Variants in FCHO2 observed in about 807,000 individuals in gnomAD.
FCHO2 encodes the protein FCH and mu domain containing endocytic adaptor 2, also known as F-BAR domain only protein 2.
A neutral mutation model predicts 114.1 loss-of-function variants in FCHO2; 43 were observed. That is an observed-to-expected ratio of 0.38 (90% CI 0.30 to 0.49). The LOEUF is 0.49. Ranked by LOEUF, FCHO2 falls within the 20% of genes least tolerant of loss-of-function variation. The pLI, the probability that FCHO2 is intolerant of heterozygous loss-of-function variation, is 0.97. For synonymous variants in FCHO2, 293 were observed against 315.2 expected, an observed-to-expected ratio of 0.93 and a Z score of 0.75; for missense variants, 807 against 950.4, an observed-to-expected ratio of 0.85 and a Z score of 1.98.
At chr5:73,024,894 C>G (rs1324025851) in intron 8 of FCHO2, among the ~76,000 whole-genome samples, 2 of 152,036 alleles carry the variant, frequency 1.3e-5, no homozygotes, top group Non-Finnish European at 2.9e-5. Flanking sequence ...AATAAGTAGC[C>G]ACTAATGTAG....
In FCHO2 at chr5:73,089,676, T is replaced by C. The variant is rs1464547296; in HGVS notation, c.*1586T>C. The C allele has an allele frequency of 3.3e-5, 5 of 152,548 alleles. No homozygotes were observed. Among genetic ancestry groups the C allele is most frequent in the African/African-American group, 9.6e-5 (4 of 41,452 alleles). 9.4% of individuals were successfully genotyped at this position (152,548 alleles called of 1,614,324 possible). On this transcript the variant is annotated 3_prime_UTR_variant, in exon 26 of 26. Transcript: ENST00000430046. The stretch of plus-strand genomic sequence containing the variant: ...AGTAGAAGTGATAAATTGTGTTATA[T>C]ATGATAATTTATATAAAACCACTAA...
chr5:73,059,735 G>T (rs1757763793), intron 17 of FCHO2, among the ~76,000 whole-genome samples: 4 of 152,008 alleles, frequency 2.6e-5, no homozygotes, highest in Non-Finnish European at 1.5e-5. Context: ...TCAATAGATA[G>T]TTGAACATAA....
intron 5 of FCHO2, among the ~76,000 whole-genome samples, chr5:72,995,290 C>A (rs1355220357): frequency 1.3e-5 from 2 of 150,738 alleles, no homozygotes; most frequent in Admixed American, 6.6e-5. Context: ...GAGTCTCACT[C>A]TGTTACCCAG....
At chr5:73,028,810 C>G (rs1756080477) in intron 8 of FCHO2, among the ~76,000 whole-genome samples, 1 of 151,804 alleles carries the variant, frequency 6.6e-6, no homozygotes, top group Non-Finnish European at 1.5e-5. Context: ...ACCACTATGC[C>G]CAGTTAGTTT....
chr5:73,001,448 C>CAAAAAAA (rs1215202339), intron 5 of FCHO2, among the ~76,000 whole-genome samples: 5 of 65,520 alleles, frequency 7.6e-5, no homozygotes, highest in African/African-American at 1.3e-4. Flanking sequence ...GATCCTGTCT[C>CAAAAAAA]AAAAAAAAAA....
At chr5:73,024,597 C>A (rs1755816503) in intron 8 of FCHO2, among the ~76,000 whole-genome samples, 1 of 152,076 alleles carries the variant, frequency 6.6e-6, no homozygotes, top group African/African-American at 2.4e-5. Context: ...CACCACCACA[C>A]CTGGCTAATT....
At chr5:73,044,297 G>A (rs1323869027) in intron 11 of FCHO2, among the ~76,000 whole-genome samples, 1 of 152,162 alleles carries the variant, frequency 6.6e-6, no homozygotes, top group Admixed American at 6.5e-5. Flanking sequence ...GAGTGCAGTG[G>A]CAACGATCAT....
Position 73,041,165 on chromosome 5 carries a change from T to A in FCHO2, c.915-126T>A, listed in dbSNP as rs115174144. The A allele has an allele frequency of 1.5e-3, 961 of 644,482 alleles. 6 individuals are homozygous for A. In the African/African-American group the frequency reaches 0.017, roughly 11 times the overall value. The allele number at this position is 644,482 out of a possible 1,614,324, so 39.9% of individuals were successfully genotyped here. The stretch of plus-strand genomic sequence containing the variant: ...TATGTTTTAATCTTCATGGTTTGAT[T>A]TCTCTGAATATTTTTTGTAGAGTTT... On this transcript the variant is annotated intron_variant, in intron 10 of 25. Transcript: ENST00000430046.
rs1402233924 is a variant in FCHO2 at position 73,063,867 on chromosome 5, G to T, written c.1372G>T (p.Gly458Cys). The change falls in exon 18 of 26, where the codon GGC (glycine) becomes TGC (cysteine). Residue 458 changes from glycine to cysteine, a missense_variant. Gly to Cys is a radical substitution (Grantham distance 159). Coordinates refer to ENST00000430046, the MANE Select transcript of FCHO2 (RefSeq NM_138782.3). ...SARPTTPLSV[G>C]TIVPPPRPAS... Reference sequence around the variant, plus strand: ...CAGGCCCACAACTCCTCTTTCTGTAGGCACCATTGTCCCACCTCCGAGGCC... The same window carrying T: ...CAGGCCCACAACTCCTCTTTCTGTATGCACCATTGTCCCACCTCCGAGGCC... The T allele has an allele frequency of 6.2e-7, 1 of 1,611,976 alleles. No homozygotes were observed. The highest frequency in any genetic ancestry group is 1.7e-5 in the Admixed American group (1 of 59,744).
Position 73,006,553 on chromosome 5 carries a change from G to T in FCHO2, c.600+4G>T. ...GAAAATGACAGAAACAGCTCAGGTT[G>T]GTATTTTAAGGCTTCAGATTGAAAA... On this transcript the variant is annotated splice_donor_region_variant and intron_variant, in intron 6 of 25. Coordinates refer to ENST00000430046, the MANE Select transcript of FCHO2 (RefSeq NM_138782.3). The T allele has an allele frequency of 1.3e-6, 2 of 1,499,636 alleles. No individual in the cohort carries two copies. The highest frequency in any genetic ancestry group is 2.8e-5 in the South Asian group (2 of 71,658). The allele number at this position is 1,499,636 out of a possible 1,614,324, so 92.9% of individuals were successfully genotyped here.
intron 2 of FCHO2, among the ~76,000 whole-genome samples, chr5:72,977,969 T>C (rs1486075656): frequency 2.0e-5 from 3 of 152,188 alleles, no homozygotes; most frequent in Non-Finnish European, 2.9e-5. Flanking sequence ...TTCTGTTCCA[T>C]TGGTCTATAT....
In FCHO2 at chr5:72,989,461, A is replaced by G. The variant is rs368553021; in HGVS notation, c.160A>G (p.Thr54Ala). 4 of 1,607,346 alleles carry G rather than the reference A, an allele frequency of 2.5e-6. No homozygotes were observed. The highest frequency in any genetic ancestry group is 2.5e-6 in the Non-Finnish European group (3 of 1,176,704). ...AGAGGAGGCATACTCCAGGTCAATG[A>G]CAAAACTAGCAAAATCTGCAAGCAA... ...TIEEAYSRSM[T>A]KLAKSASNYS... The change falls in exon 3 of 26, where the codon ACA becomes GCA. Residue 54 changes from threonine to alanine, a missense_variant. By Grantham distance (58) the Thr-to-Ala change is moderately conservative. Coordinates refer to ENST00000430046, the MANE Select transcript of FCHO2 (RefSeq NM_138782.3).
intron 2 of FCHO2, among the ~76,000 whole-genome samples, chr5:72,985,500 G>GT (rs1753471097): frequency 6.6e-6 from 1 of 152,114 alleles, no homozygotes; most frequent in African/African-American, 2.4e-5. Flanking sequence ...TTAGGTGGTG[G>GT]TGTGTACTTC....
At chr5:73,050,332 A>AT (rs1757284963) in intron 11 of FCHO2, among the ~76,000 whole-genome samples, 1 of 147,334 alleles carries the variant, frequency 6.8e-6, no homozygotes, top group South Asian at 2.1e-4. Context: ...TTATTTATTT[A>AT]TTTATTTTGA....
intron 2 of FCHO2, among the ~76,000 whole-genome samples, chr5:72,984,689 G>A (rs1042957982): frequency 6.6e-5 from 10 of 152,026 alleles, no homozygotes; most frequent in African/African-American, 1.9e-4. Flanking sequence ...TTTGAGACAG[G>A]GTCTCACTGT....
intron 5 of FCHO2, among the ~76,000 whole-genome samples, chr5:73,001,376 G>A (rs1754423458): frequency 6.7e-6 from 1 of 150,214 alleles, no homozygotes; most frequent in African/African-American, 2.5e-5. Flanking sequence ...TTGAGGCCAG[G>A]AGGTTGAGGC....
chr5:73,071,934 C>T (rs1288230646), intron 19 of FCHO2, among the ~76,000 whole-genome samples: 1 of 151,790 alleles, frequency 6.6e-6, no homozygotes, highest in East Asian at 1.9e-4. Context: ...AATATTTATG[C>T]AGGTTTCTTT....
At chr5:73,054,611 G>C in intron 15 of FCHO2, 62 bp downstream of exon 15, 1 of 1,211,484 alleles carries the variant, frequency 8.3e-7, no homozygotes, top group Non-Finnish European at 1.2e-6. Context: ...CAATTTGTTA[G>C]TCTTTTACCT....
At position 73,035,470 on chromosome 5, in the gene FCHO2, G is replaced by C. The variant is rs114839729; in HGVS notation, c.841+769G>C. Among the ~76,000 whole-genome samples, 538 of 152,092 alleles carry C rather than the reference G, an allele frequency of 3.5e-3. 5 individuals are homozygous for C. Among genetic ancestry groups the C allele is most frequent in the African/African-American group, 0.013 (523 of 41,510 alleles). On this transcript the variant is annotated intron_variant, in intron 9 of 25. Transcript: ENST00000430046. ...AATTTCTTCATCTGTAAGATGAGGG[G>C]CTAGCTTAAACCTAAGGTCTCTACT...
Sources: gnomAD v4.1 joint callset for allele counts (sites outside exome capture counted in the v4.1 genomes callset) on GRCh38, gnomAD v4.1.1 for gene constraint, MANE v1.5 for transcripts, NCBI Gene and HGNC (gene_info 2026-07-23, HGNC 2026-07-21) for gene names.